Variants in FSTL5 observed in about 807,000 individuals in gnomAD.
The protein encoded by FSTL5 is follistatin-related protein 5.
Under a neutral mutation model 89.1 loss-of-function variants are expected in FSTL5, and 62 were observed. The observed-to-expected ratio is 0.70, with a 90% CI of 0.57 to 0.86. The LOEUF (loss-of-function observed/expected upper bound fraction) is 0.86. FSTL5 is among the 40% of genes least tolerant of loss of function. The pLI is 0.00. For synonymous variants in FSTL5, 383 were observed against 346.2 expected (o/e 1.11, Z -1.18); for missense variants, 1,057 against 1,001.6 (o/e 1.06, Z -0.75).
intron 4 of FSTL5, among the ~76,000 whole-genome samples, chr4:161,849,434 G>C (rs1396754429): frequency 6.6e-6 from 1 of 151,810 alleles, no homozygotes; most frequent in Non-Finnish European, 1.5e-5. Context: ...TAAAGCTTTG[G>C]CATATCTTCG....
chr4:162,144,814 A>G (rs1232629040), intron 1 of FSTL5, among the ~76,000 whole-genome samples: 1 of 152,034 alleles, frequency 6.6e-6, no homozygotes, highest in African/African-American at 2.4e-5. Flanking sequence ...GAATTTTCTT[A>G]TGTAAATTTT....
At chr4:161,933,140 A>C (rs1734338661) in intron 3 of FSTL5, among the ~76,000 whole-genome samples, 1 of 152,064 alleles carries the variant, frequency 6.6e-6, no homozygotes, top group Admixed American at 6.6e-5. Flanking sequence ...TTAGGTATAT[A>C]TTTAGAGGAA....
intron 10 of FSTL5, among the ~76,000 whole-genome samples, chr4:161,511,251 C>CT (rs780260314): frequency 2.0e-5 from 3 of 152,072 alleles, no homozygotes; most frequent in African/African-American, 4.8e-5. Flanking sequence ...AACTTAATGA[C>CT]TTTTTTTTCC....
chr4:161,518,648 G>A (rs191153747), intron 10 of FSTL5, among the ~76,000 whole-genome samples: 242 of 152,152 alleles, frequency 1.6e-3, no homozygotes, highest in African/African-American at 5.8e-3. Flanking sequence ...TTGAATCCAC[G>A]ACAAGGTAAG....
At chr4:161,972,373 C>T (rs1173504251) in intron 3 of FSTL5, among the ~76,000 whole-genome samples, 1 of 152,144 alleles carries the variant, frequency 6.6e-6, no homozygotes, top group East Asian at 1.9e-4. Context: ...CACACCGCCC[C>T]GACATGATTC....
At chr4:161,551,172 A>G (rs962839093) in intron 8 of FSTL5, among the ~76,000 whole-genome samples, 12 of 149,804 alleles carry the variant, frequency 8.0e-5, no homozygotes, top group African/African-American at 2.7e-4. Flanking sequence ...GACTTCCACA[A>G]TGGTTGAACT....
chr4:161,913,624 C>G (rs1233728555), intron 4 of FSTL5, among the ~76,000 whole-genome samples: 2 of 152,140 alleles, frequency 1.3e-5, no homozygotes, highest in Non-Finnish European at 2.9e-5. Context: ...GCCATGAAAG[C>G]AGCCAGGAGG....
chr4:161,760,722 A>G (rs1740762807), intron 5 of FSTL5, among the ~76,000 whole-genome samples: 1 of 152,230 alleles, frequency 6.6e-6, no homozygotes, highest in Non-Finnish European at 1.5e-5. Context: ...CGTGCATGTT[A>G]TGGTTGCACA....
intron 4 of FSTL5, among the ~76,000 whole-genome samples, chr4:161,807,196 TACAC>T (rs10561299): frequency 0.59 from 86,264 of 146,456 alleles, 26,933 homozygotes; most frequent in Non-Finnish European, 0.71. Context: ...CACATGAGAA[TACAC>T]ACACACACAC....
chr4:161,856,282 G>A (rs1309553639), intron 4 of FSTL5, among the ~76,000 whole-genome samples: 3 of 152,036 alleles, frequency 2.0e-5, no homozygotes, highest in Admixed American at 2.0e-4. Flanking sequence ...AAGGCATAGA[G>A]GTGGGCAAAT....
At chr4:161,418,414 C>A (rs72989108) in intron 15 of FSTL5, among the ~76,000 whole-genome samples, 7,539 of 152,178 alleles carry the variant, frequency 0.05, 439 homozygotes, top group East Asian at 0.19. Flanking sequence ...GCGAGCCCAC[C>A]TTATTTGTTA....
intron 3 of FSTL5, among the ~76,000 whole-genome samples, chr4:161,986,280 T>C (rs1735961097): frequency 6.6e-6 from 1 of 152,206 alleles, no homozygotes; most frequent in Non-Finnish European, 1.5e-5. Context: ...CCAGGCACGG[T>C]GGCTCACGCC....
At chr4:162,029,906 CTTTT>C (rs67266989) in intron 3 of FSTL5, among the ~76,000 whole-genome samples, 21 of 144,222 alleles carry the variant, frequency 1.5e-4, no homozygotes, top group Non-Finnish European at 2.1e-4. Flanking sequence ...AAATTATTTC[CTTTT>C]TTTTTTTTTT....
chr4:161,962,941 T>C (rs1180099278), intron 3 of FSTL5, among the ~76,000 whole-genome samples: 1 of 152,036 alleles, frequency 6.6e-6, no homozygotes, highest in African/African-American at 2.4e-5. Flanking sequence ...GAATCCATTC[T>C]TCCTTTCTTC....
intron 6 of FSTL5, among the ~76,000 whole-genome samples, chr4:161,752,737 A>G (rs1461407162): frequency 6.6e-6 from 1 of 152,124 alleles, no homozygotes; most frequent in African/African-American, 2.4e-5. Context: ...GTCTCCTCCA[A>G]CTTCATATGT....
At chr4:161,951,684 A>T (rs927970870) in intron 3 of FSTL5, among the ~76,000 whole-genome samples, 2 of 152,134 alleles carry the variant, frequency 1.3e-5, no homozygotes, top group African/African-American at 2.4e-5. Flanking sequence ...CACATATTAT[A>T]CATAATTGTA....
At chr4:161,592,100 C>A (rs1338419424) in intron 7 of FSTL5, among the ~76,000 whole-genome samples, 1 of 152,054 alleles carries the variant, frequency 6.6e-6, no homozygotes, top group Non-Finnish European at 1.5e-5. Context: ...AGAAAAAAGG[C>A]TGGAAGTGTT....
chr4:161,501,497 G>A (rs28613217), intron 11 of FSTL5, among the ~76,000 whole-genome samples: 2,574 of 151,840 alleles, frequency 0.017, 66 homozygotes, highest in African/African-American at 0.058. Flanking sequence ...TATATAGTGT[G>A]CATACAATTT....
intron 8 of FSTL5, among the ~76,000 whole-genome samples, chr4:161,582,959 G>A (rs567526574): frequency 9.2e-5 from 14 of 152,100 alleles, no homozygotes; most frequent in Admixed American, 2.6e-4. Flanking sequence ...AGGCTGAAGC[G>A]GGTGAATCAC....
Sources: allele counts gnomAD v4.1 joint callset (sites outside exome capture counted in the v4.1 genomes callset), GRCh38; gene constraint gnomAD v4.1.1; transcripts MANE v1.5; gene names NCBI Gene and HGNC (gene_info 2026-07-23, HGNC 2026-07-21).